Variants in PCDHA9 observed in about 807,000 individuals in gnomAD.
PCDHA9 encodes the protein protocadherin alpha 9.
Under a neutral mutation model 62.0 loss-of-function variants are expected in PCDHA9, and 62 were observed. The observed-to-expected ratio is 1.00, with a 90% CI of 0.81 to 1.23. PCDHA9 has a LOEUF of 1.23. PCDHA9 is among the 50% of genes most tolerant of loss of function. The pLI is 0.00. For missense variants in PCDHA9, 1,205 were observed against 1,249.8 expected, an observed-to-expected ratio of 0.96 and a Z score of 0.54; for synonymous variants, 557 against 567.6, an observed-to-expected ratio of 0.98 and a Z score of 0.27.
chr5:140,865,248 G>C (rs2048793700), intron 1 of PCDHA9: 1 of 152,148 alleles, frequency 6.6e-6, no homozygotes, highest in Non-Finnish European at 1.5e-5. Context: ...ATTTATAGCT[G>C]TAAGGATGTG....
chr5:140,984,140 A>G (rs2097088641), intron 3 of PCDHA9, among the ~76,000 whole-genome samples: 1 of 152,240 alleles, frequency 6.6e-6, no homozygotes, highest in Non-Finnish European at 1.5e-5. Context: ...ATGTGGAGGC[A>G]TCTGGGAAGG....
At chr5:140,967,253 C>T in intron 1 of PCDHA9, 4 of 1,613,546 alleles carry the variant, frequency 2.5e-6, no homozygotes, top group South Asian at 1.1e-5. Context: ...ATCGGTGGCG[C>T]CTGGAGCGCG....
intron 1 of PCDHA9, chr5:140,869,469 G>C (rs781981842): frequency 6.2e-6 from 10 of 1,614,092 alleles, no homozygotes; most frequent in Admixed American, 1.7e-5. Flanking sequence ...TGAACGTGGA[G>C]GTGAAGGACA....
intron 1 of PCDHA9, among the ~76,000 whole-genome samples, chr5:140,958,951 A>C (rs1212039253): frequency 6.6e-6 from 1 of 151,992 alleles, no homozygotes; most frequent in Non-Finnish European, 1.5e-5. Flanking sequence ...ATATTATATT[A>C]TTATAATTGT....
chr5:140,853,754 A>C, intron 1 of PCDHA9: 1 of 988,728 alleles, frequency 1.0e-6, no homozygotes, highest in Non-Finnish European at 1.2e-6. Flanking sequence ...TCAAGGCTCC[A>C]CCTCAGAAAT....
At chr5:140,961,214 A>C (rs1406613180) in intron 1 of PCDHA9, among the ~76,000 whole-genome samples, 4 of 152,288 alleles carry the variant, frequency 2.6e-5, no homozygotes, top group East Asian at 3.9e-4. Context: ...ATTGATGAAG[A>C]AACTGGGTCC....
At chr5:140,955,401 A>T (rs1202478496) in intron 1 of PCDHA9, among the ~76,000 whole-genome samples, 2 of 152,122 alleles carry the variant, frequency 1.3e-5, no homozygotes, top group African/African-American at 4.8e-5. Flanking sequence ...TATCCCATAC[A>T]GTTCTCATGA....
intron 1 of PCDHA9, among the ~76,000 whole-genome samples, chr5:140,962,085 C>T (rs565561726): frequency 2.0e-5 from 3 of 151,950 alleles, no homozygotes; most frequent in Non-Finnish European, 4.4e-5. Context: ...CGGGGTTTCA[C>T]CATGTTAGCC....
In PCDHA9 at chr5:140,851,944, C is replaced by G; in HGVS notation, c.2394+1055C>G. The G allele has an allele frequency of 1.7e-5, 16 of 969,410 alleles. 1 individual carries two copies. Among genetic ancestry groups the G allele is most frequent in the Non-Finnish European group, 2.0e-5 (16 of 802,504 alleles). The allele number at this position is 969,410 out of a possible 1,614,324, so 60.1% of individuals were successfully genotyped here. A position where few individuals can be genotyped will look rare whatever the true frequency, so the allele number is the denominator to read the frequency against. On this transcript the variant is annotated intron_variant, in intron 1 of 3. Transcript: ENST00000532602. ...ATGTTTCCTGAATTGTAGTATGTGA[C>G]TTTCAAAATGGTGGTTTTCCACACT...
intron 1 of PCDHA9, chr5:140,927,356 G>C: frequency 6.2e-7 from 1 of 1,614,076 alleles, no homozygotes. Context: ...GACGAGGGAA[G>C]CAATGGGATA....
At chr5:140,993,151 TC>T (rs2097543126) in intron 3 of PCDHA9, among the ~76,000 whole-genome samples, 1 of 152,246 alleles carries the variant, frequency 6.6e-6, no homozygotes, top group Admixed American at 6.5e-5. Flanking sequence ...ATAAATGGAT[TC>T]TAAATATTTG....
chr5:140,864,396 G>A (rs2048459702), intron 1 of PCDHA9: 1 of 152,210 alleles, frequency 6.6e-6, no homozygotes, highest in Non-Finnish European at 1.5e-5. Context: ...CACAAATGGT[G>A]ATGAGCAGGG....
At chr5:140,870,201 G>A in intron 1 of PCDHA9, 2 of 1,614,140 alleles carry the variant, frequency 1.2e-6, no homozygotes, top group Non-Finnish European at 8.5e-7. Context: ...AGCCCAGCAC[G>A]GTCATTGCCC....
chr5:140,966,113 A>T (rs1224729629), intron 1 of PCDHA9: 1 of 155,768 alleles, frequency 6.4e-6, no homozygotes, highest in African/African-American at 2.4e-5. Flanking sequence ...GGGTGCCCAT[A>T]CTTAGCTAAG....
intron 1 of PCDHA9, chr5:140,928,484 G>A (rs1371678688): frequency 1.5e-5 from 25 of 1,614,026 alleles, no homozygotes; most frequent in African/African-American, 4.0e-5. Context: ...CGGGATGGTG[G>A]CATTCCTCCC....
At chr5:140,851,190 G>T in intron 1 of PCDHA9, 1 of 1,221,164 alleles carries the variant, frequency 8.2e-7, no homozygotes, top group Non-Finnish European at 1.1e-6. Flanking sequence ...AACCAATTTA[G>T]TTGTTAGTCA....
At chr5:140,967,239 G>C in intron 1 of PCDHA9, 1 of 1,613,672 alleles carries the variant, frequency 6.2e-7, no homozygotes, top group Non-Finnish European at 8.5e-7. Flanking sequence ...CTTCAGGTAA[G>C]CGAATCGGTG....
chr5:140,863,997 T>A (rs1186516549), intron 1 of PCDHA9: 1 of 152,666 alleles, frequency 6.6e-6, no homozygotes, highest in African/African-American at 2.4e-5. Context: ...TGAAACTCTG[T>A]CTTAAAAAAA....
rs1255699815 is a variant in PCDHA9, at chr5:140,984,173, C to T, written c.2542+1610C>T. On this transcript the variant is annotated intron_variant, in intron 3 of 3. Transcript: ENST00000532602. The stretch of plus-strand genomic sequence containing the variant: ...AGGTGAGAACTTCCCAAAGAAGCCA[C>T]GTGAAATCATGACTTTCTACCTTGC... Among the ~76,000 whole-genome samples, 5 of 152,166 alleles carry T rather than the reference C, an allele frequency of 3.3e-5. No individual in the cohort carries two copies. The South Asian group carries it at 6.2e-4, about 19-fold the overall frequency.
Sources: allele counts gnomAD v4.1 joint callset (sites outside exome capture counted in the v4.1 genomes callset), GRCh38; gene constraint gnomAD v4.1.1; transcripts MANE v1.5; gene names NCBI Gene and HGNC (gene_info 2026-07-23, HGNC 2026-07-21).